Variants in MACF1 observed in about 807,000 individuals in gnomAD.
The protein encoded by MACF1 is microtubule-actin cross-linking factor 1.
Under a neutral mutation model 854.8 loss-of-function variants are expected in MACF1, and 193 were observed. The ratio of observed to expected loss-of-function variants is 0.23; its 90% CI spans 0.20 to 0.25. The LOEUF (loss-of-function observed/expected upper bound fraction) is 0.25, where lower values mean the gene tolerates loss of function less well. MACF1 is among the 10% of genes least tolerant of loss of function. The probability of loss-of-function intolerance (pLI) is 1.00; values close to 1 mark genes in which losing one functional copy is unlikely to be tolerated. For synonymous variants in MACF1, 3,185 were observed against 3,226.7 expected, an observed-to-expected ratio of 0.99 and a Z score of 0.44; for missense variants, 7,722 against 8,929.1, an observed-to-expected ratio of 0.86 and a Z score of 5.45.
intron 6 of MACF1, among the ~76,000 whole-genome samples, chr1:39,266,567 T>C (rs529251162): frequency 6.6e-6 from 1 of 151,674 alleles, no homozygotes; most frequent in African/African-American, 2.4e-5. Flanking sequence ...TTAGGGCTTC[T>C]TGTTGCTTTC....
At chr1:39,106,521 G>T (rs574874398) in intron 2 of MACF1, among the ~76,000 whole-genome samples, 135 of 152,310 alleles carry the variant, frequency 8.9e-4, no homozygotes, top group Admixed American at 3.0e-3. Context: ...GCGTGGCCTT[G>T]GGAGGCCCTT....
intron 11 of MACF1, among the ~76,000 whole-genome samples, 158 bp downstream of exon 11, chr1:39,284,586 T>A (rs1645609452): frequency 1.3e-5 from 2 of 152,260 alleles, no homozygotes; most frequent in South Asian, 2.1e-4. Context: ...GGTCTTAAAA[T>A]GTTGTGGTAA....
rs111496957 is a variant in MACF1, at chr1:39,231,694, T to C, written c.171+451T>C. ...ATACATTGCTTTATAAGCCTGTTTC[T>C]TTTTTTTTTTAATTTATTAATTTAT... On this transcript the variant is annotated intron_variant, in intron 2 of 100. Coordinates refer to ENST00000564288, the MANE Select transcript of MACF1 (RefSeq NM_001394062.1). Among the ~76,000 whole-genome samples the C allele has an allele frequency of 1.9e-3, 251 of 130,258 alleles. 2 individuals are homozygous for C. The highest frequency in any genetic ancestry group is 6.3e-3 in the African/African-American group (209 of 33,322). The allele number at this position is 130,258 out of a possible 152,430, so 85.5% of individuals were successfully genotyped here.
intron 50 of MACF1, 110 bp from the exon 51 acceptor site, chr1:39,369,920 A>T (rs1649083696): frequency 1.0e-6 from 1 of 969,730 alleles, no homozygotes; most frequent in African/African-American, 1.6e-5. Context: ...TATGAGAAAG[A>T]AAGGCCATGT....
chr1:39,450,154 G>T (rs909450551), intron 84 of MACF1, among the ~76,000 whole-genome samples: 3 of 151,906 alleles, frequency 2.0e-5, no homozygotes, highest in South Asian at 2.1e-4. Context: ...CAGCCACCAC[G>T]CCCAGCCATT....
chr1:39,435,010 A>T (rs961150160), intron 69 of MACF1, among the ~76,000 whole-genome samples: 5 of 152,188 alleles, frequency 3.3e-5, no homozygotes, highest in African/African-American at 1.2e-4. Context: ...GTCAAAAAAC[A>T]TTTGCTCTGT....
chr1:39,427,347 G>T, intron 61 of MACF1, 108 bp from the exon 62 acceptor site: 7 of 894,760 alleles, frequency 7.8e-6, no homozygotes, highest in Non-Finnish European at 1.2e-5. Context: ...TTTACTATTG[G>T]TATTTAAACT....
At chr1:39,302,309 T>G (rs1338767687) in intron 22 of MACF1, among the ~76,000 whole-genome samples, 2 of 152,206 alleles carry the variant, frequency 1.3e-5, no homozygotes, top group Non-Finnish European at 2.9e-5. Flanking sequence ...ATTGTACTGT[T>G]TTTATCTCCA....
At chr1:39,419,223 C>G (rs531803474) in intron 58 of MACF1, among the ~76,000 whole-genome samples, 7 of 152,258 alleles carry the variant, frequency 4.6e-5, no homozygotes, top group Middle Eastern at 3.4e-3. Context: ...TATGTTTTAA[C>G]TTATGAGAAA....
At position 39,283,130 on chromosome 1, in the gene MACF1, T is replaced by C; in HGVS notation, c.696-59T>C. On this transcript the variant is annotated intron_variant, in intron 7 of 100. Transcript: ENST00000564288. The surrounding 1 kb of genome is among the most constrained non-coding windows in gnomAD (Gnocchi z 4.5). ...GAACTTTCAGGAGGTTTTCTTTGTG[T>C]AAACTCATGTGTGATGTGTAGATGG... is the stretch of plus-strand genomic sequence containing the variant. 9.3e-7 allele frequency: 1 copy of C among 1,074,618 alleles called. No homozygotes were observed. The highest frequency in any genetic ancestry group is 2.4e-5 in the East Asian group (1 of 42,322). The allele number at this position is 1,074,618 out of a possible 1,614,324, so 66.6% of individuals were successfully genotyped here. A position where few individuals can be genotyped will look rare whatever the true frequency, so the allele number is the denominator to read the frequency against.
Position 39,285,290 on chromosome 1 carries a change from AT to A in MACF1, c.1260-4del, listed in dbSNP as rs1431909415. 3 of 1,614,032 alleles carry A rather than the reference AT, an allele frequency of 1.9e-6. No homozygotes were observed. On this transcript the variant is annotated splice_polypyrimidine_tract_variant and splice_region_variant and intron_variant, in intron 12 of 100. Coordinates refer to ENST00000564288, the MANE Select transcript of MACF1 (RefSeq NM_001394062.1). ...TTGCACATGACTATGGTTTTATCTT[AT>A]TTCAGGCTGGAATTGCTGCTACAGA... is the stretch of plus-strand genomic sequence containing the variant.
At chr1:39,481,171 CA>C in intron 99 of MACF1, 141 bp downstream of exon 99, 1 of 556,752 alleles carries the variant, frequency 1.8e-6, no homozygotes, top group Non-Finnish European at 3.2e-6. Context: ...TCATCTAGTC[CA>C]GTGTTTTCAG....
At chr1:39,426,091 A>T (rs1464176445) in intron 61 of MACF1, among the ~76,000 whole-genome samples, 1 of 152,204 alleles carries the variant, frequency 6.6e-6, no homozygotes, top group Non-Finnish European at 1.5e-5. Flanking sequence ...TAAGAAAGAC[A>T]TAAAAATTAG....
chr1:39,439,308 C>T lies in MACF1; in HGVS notation c.18255C>T (p.Phe6085=), dbSNP rs768625818. The T allele has an allele frequency of 6.2e-7, 1 of 1,613,726 alleles. No homozygotes were observed. Among genetic ancestry groups the T allele is most frequent in the Non-Finnish European group, 8.5e-7 (1 of 1,179,732 alleles). ...IQDKLDQMVF[F]WEDIKARAEE... ...ATAAATTGGATCAAATGGTATTCTT[C>T]TGGGAGGACATCAAAGCTCGGGCTG... The change falls in exon 72 of 101, where the codon TTC becomes TTT. Residue 6085 remains phenylalanine, a synonymous_variant. Coordinates refer to ENST00000564288, the MANE Select transcript of MACF1 (RefSeq NM_001394062.1).
chr1:39,441,819 C>A, intron 74 of MACF1, 133 bp from the exon 75 acceptor site: 1 of 670,916 alleles, frequency 1.5e-6, no homozygotes, highest in South Asian at 1.8e-5. Context: ...TTTATCTGTG[C>A]CCCTTACCTG....
intron 2 of MACF1, among the ~76,000 whole-genome samples, chr1:39,249,582 C>A (rs1169105608): frequency 6.6e-6 from 1 of 152,076 alleles, no homozygotes; most frequent in Non-Finnish European, 1.5e-5. Flanking sequence ...GGAAATACAC[C>A]CCAGGAAACA....
intron 80 of MACF1, among the ~76,000 whole-genome samples, chr1:39,446,025 A>G (rs981159241): frequency 3.9e-5 from 6 of 152,246 alleles, no homozygotes; most frequent in African/African-American, 1.4e-4. Flanking sequence ...CAAAGCTAAG[A>G]TTAAATAAAC....
At chr1:39,406,752 A>C (rs1028721489) in intron 58 of MACF1, among the ~76,000 whole-genome samples, 1 of 150,372 alleles carries the variant, frequency 6.7e-6, no homozygotes, top group East Asian at 1.9e-4. Flanking sequence ...AAAAAAAAAA[A>C]AAAAAACATT....
At chr1:39,420,840 C>T (rs1643505957) in intron 58 of MACF1, among the ~76,000 whole-genome samples, 1 of 151,760 alleles carries the variant, frequency 6.6e-6, no homozygotes, top group Non-Finnish European at 1.5e-5. Context: ...TGGTTCTATC[C>T]CTCTGATAAC....
Sources: allele counts gnomAD v4.1 joint callset (sites outside exome capture counted in the v4.1 genomes callset), GRCh38; gene constraint gnomAD v4.1.1; non-coding constraint Gnocchi (gnomAD v3.1); transcripts MANE v1.5; gene names NCBI Gene and HGNC (gene_info 2026-07-23, HGNC 2026-07-21).